Variants in QNG1 observed in about 807,000 individuals in gnomAD.
QNG1 encodes the protein Q-nucleotide N-glycosylase 1, also known as queuosine 5'-phosphate N-glycosylase/hydrolase.
chr9:83,955,750 T>A, the QNG1 span: 6 of 1,025,968 alleles, frequency 5.8e-6, no homozygotes, highest in Admixed American at 1.4e-4. Context: ...GGTATAGGAA[T>A]GCACCAAAAG....
chr9:83,952,752 G>A, the QNG1 span, among the ~76,000 whole-genome samples: 14 of 146,884 alleles, frequency 9.5e-5, no homozygotes, highest in Non-Finnish European at 1.8e-4. Context: ...CTGAGATCGC[G>A]CCACTGCACT....
chr9:83,953,742 C>G, the QNG1 span: 1,653 of 1,449,488 alleles, frequency 1.1e-3, 2 homozygotes, highest in Non-Finnish European at 1.4e-3. Context: ...ACTGCAACCT[C>G]CCCCTCCCAG....
the QNG1 span, among the ~76,000 whole-genome samples, chr9:83,952,982 A>C: frequency 6.6e-6 from 1 of 150,836 alleles, no homozygotes; most frequent in Non-Finnish European, 1.5e-5. Flanking sequence ...AAAAAGTATC[A>C]GATTGGCTGG....
chr9:83,952,294 A>T, the QNG1 span, among the ~76,000 whole-genome samples: 10 of 152,088 alleles, frequency 6.6e-5, no homozygotes, highest in African/African-American at 2.4e-4. Flanking sequence ...CATTTTGGGG[A>T]TTTTTCTGTA....
At chr9:83,956,336 C>T in the QNG1 span, 5 of 1,613,248 alleles carry the variant, frequency 3.1e-6, no homozygotes. Context: ...CCCTGGGGTT[C>T]AGCTCATGAA....
chr9:83,951,509 C>T, the QNG1 span, among the ~76,000 whole-genome samples: 3 of 151,952 alleles, frequency 2.0e-5, no homozygotes, highest in South Asian at 2.1e-4. Flanking sequence ...TGCAGTGAGC[C>T]GAGATTGCGC....
At chr9:83,951,479 A>G in the QNG1 span, among the ~76,000 whole-genome samples, 1 of 151,946 alleles carries the variant, frequency 6.6e-6, no homozygotes. Flanking sequence ...GAGAATCACT[A>G]GAACCCGGGA....
At chr9:83,942,197 G>GT in the QNG1 span, among the ~76,000 whole-genome samples, 2 of 152,296 alleles carry the variant, frequency 1.3e-5, no homozygotes, top group South Asian at 4.1e-4. Flanking sequence ...GGAAACTAAT[G>GT]TAATAACTAA....
At chr9:83,948,536 C>T in the QNG1 span, among the ~76,000 whole-genome samples, 10 of 151,622 alleles carry the variant, frequency 6.6e-5, no homozygotes, top group Non-Finnish European at 1.2e-4. Context: ...TCTGCCTGGC[C>T]GCCCCGTCTG....
At chr9:83,955,177 C>CA in the QNG1 span, among the ~76,000 whole-genome samples, 1 of 152,186 alleles carries the variant, frequency 6.6e-6, no homozygotes, top group Non-Finnish European at 1.5e-5. Context: ...CCAGCCTGCG[C>CA]AACAAGAGCA....
the QNG1 span, among the ~76,000 whole-genome samples, chr9:83,951,332 G>C: frequency 6.6e-6 from 1 of 152,148 alleles, no homozygotes; most frequent in Admixed American, 6.5e-5. Flanking sequence ...AGGCCAAGGC[G>C]GGTGGATCAC....
chr9:83,949,693 GACTTA>G, the QNG1 span, among the ~76,000 whole-genome samples: 1 of 150,772 alleles, frequency 6.6e-6, no homozygotes, highest in Non-Finnish European at 1.5e-5. Context: ...CAAGACATAA[GACTTA>G]ACTTATAAAA....
At chr9:83,948,575 C>G in the QNG1 span, among the ~76,000 whole-genome samples, 4 of 152,102 alleles carry the variant, frequency 2.6e-5, no homozygotes, top group Admixed American at 6.5e-5. Flanking sequence ...TGCCCGGCCG[C>G]CACCACGTCT....
At chr9:83,954,879 CAAAAAAAAA>C in the QNG1 span, among the ~76,000 whole-genome samples, 7 of 47,044 alleles carry the variant, frequency 1.5e-4, no homozygotes, top group South Asian at 1.0e-3. Flanking sequence ...GAGTCCATCT[CAAAAAAAAA>C]AAAAAAAAAA....
At chr9:83,939,641 T>C in the QNG1 span, 1 of 1,614,202 alleles carries the variant, frequency 6.2e-7, no homozygotes, top group Non-Finnish European at 8.5e-7. Flanking sequence ...TTCACCCTTT[T>C]GTTCAATAAG....
chr9:83,949,873 G>A, the QNG1 span, among the ~76,000 whole-genome samples: 1 of 151,558 alleles, frequency 6.6e-6, no homozygotes, highest in Non-Finnish European at 1.5e-5. Context: ...TAAAATCAGT[G>A]CTAGCATCTA....
At chr9:83,955,494 TCTC>T in the QNG1 span, 1 of 1,614,046 alleles carries the variant, frequency 6.2e-7, no homozygotes, top group Non-Finnish European at 8.5e-7. Flanking sequence ...CCTCCAAACT[TCTC>T]CAGCAGAATT....
At chr9:83,948,322 GC>G in the QNG1 span, among the ~76,000 whole-genome samples, 1 of 99,384 alleles carries the variant, frequency 1.0e-5, no homozygotes, top group Non-Finnish European at 2.7e-5. Flanking sequence ...CCCGGCAGCC[GC>G]CCCGTCTGGG....
the QNG1 span, among the ~76,000 whole-genome samples, chr9:83,951,055 C>T: frequency 3.2e-4 from 49 of 151,930 alleles, no homozygotes; most frequent in African/African-American, 1.1e-3. Flanking sequence ...GCAGATCACC[C>T]GAAGTCAGGA....
Sources: gnomAD v4.1 joint callset for allele counts (sites outside exome capture counted in the v4.1 genomes callset) on GRCh38, gnomAD v4.1.1 for gene constraint, MANE v1.5 for transcripts, NCBI Gene and HGNC (gene_info 2026-07-23, HGNC 2026-07-21) for gene names.